NMBR: variants seen among roughly 807,000 people sequenced by gnomAD.
NMBR encodes the protein neuromedin B receptor, also known as neuromedin-B receptor.
In NMBR, 16 loss-of-function variants were observed where a neutral mutation model predicts 20.5. The observed-to-expected ratio is 0.78, with a 90% CI of 0.53 to 1.19. The LOEUF is 1.19. Ranked by LOEUF, NMBR falls within the 50% of genes most tolerant of loss-of-function variation. The pLI is 0.00. For synonymous variants in NMBR, 212 were observed against 196.6 expected, an observed-to-expected ratio of 1.08 and a Z score of -0.65; for missense variants, 582 against 499.1, an observed-to-expected ratio of 1.17 and a Z score of -1.58.
intron 1 of NMBR, among the ~76,000 whole-genome samples, chr6:142,129,891 G>A (rs111440193): frequency 5.3e-5 from 8 of 152,122 alleles, no homozygotes; most frequent in Admixed American, 2.0e-4. Context: ...ATTCAAGGAC[G>A]TGAAATAATC....
At chr6:142,132,163 G>T (rs1489279335) in intron 1 of NMBR, among the ~76,000 whole-genome samples, 3 of 152,204 alleles carry the variant, frequency 2.0e-5, no homozygotes, top group African/African-American at 7.2e-5. Flanking sequence ...TTCTCCACTT[G>T]CTGGAAGAAA....
At chr6:142,133,174 A>G in intron 1 of NMBR, 1 of 686,252 alleles carries the variant, frequency 1.5e-6, no homozygotes, top group South Asian at 1.5e-5. Flanking sequence ...TCTAAATTAC[A>G]TCAAAAACTT....
In NMBR at chr6:142,135,602, G is replaced by A. The variant is rs540474479; in HGVS notation, c.-664+11442C>T. On this transcript the variant is annotated intron_variant, in intron 1 of 3. Coordinates refer to ENST00000258042, the MANE Select transcript of NMBR (RefSeq NM_002511.4). Reference sequence around the variant, plus strand: ...GCTGGTGTGCTGCACCCATTAACTCGTCATTTAGCATTAGGTATATCTCCT... The same window carrying A: ...GCTGGTGTGCTGCACCCATTAACTCATCATTTAGCATTAGGTATATCTCCT... 8.0e-5 allele frequency among the ~76,000 whole-genome samples: 12 copies of A among 150,060 alleles called. No homozygotes were observed. The East Asian group carries it at 1.8e-3, about 22-fold the overall frequency.
At chr6:142,080,485 A>G (rs1777072571) in intron 2 of NMBR, among the ~76,000 whole-genome samples, 3 of 151,648 alleles carry the variant, frequency 2.0e-5, no homozygotes, top group South Asian at 4.2e-4. Context: ...TAATTTTTGT[A>G]TTTTTGTAGA....
intron 1 of NMBR, among the ~76,000 whole-genome samples, chr6:142,116,408 A>G (rs1156434990): frequency 6.6e-6 from 1 of 152,040 alleles, no homozygotes; most frequent in Non-Finnish European, 1.5e-5. Flanking sequence ...GGACACAAAT[A>G]GAGGCCCTCA....
chr6:142,111,548 C>T (rs1316094915), intron 1 of NMBR, among the ~76,000 whole-genome samples: 1 of 152,088 alleles, frequency 6.6e-6, no homozygotes, highest in Non-Finnish European at 1.5e-5. Context: ...TAACCTTAGT[C>T]GTATTTGAGG....
intron 1 of NMBR, among the ~76,000 whole-genome samples, chr6:142,143,065 A>G (rs225619): frequency 0.39 from 59,310 of 151,900 alleles, 12,216 homozygotes; most frequent in Middle Eastern, 0.53. Flanking sequence ...AGCCTGGGGG[A>G]CGGAACAAGA....
At chr6:142,077,457 TAGAA>T (rs140994235) in intron 3 of NMBR, among the ~76,000 whole-genome samples, 13,567 of 152,136 alleles carry the variant, frequency 0.089, 670 homozygotes, top group Admixed American at 0.16. Flanking sequence ...TTATATAAAA[TAGAA>T]AGCACAGTGA....
intron 1 of NMBR, among the ~76,000 whole-genome samples, chr6:142,111,732 C>G (rs1777767192): frequency 6.6e-6 from 1 of 152,130 alleles, no homozygotes; most frequent in Non-Finnish European, 1.5e-5. Flanking sequence ...CTGATTTAAT[C>G]TGTATAGAAA....
intron 1 of NMBR, among the ~76,000 whole-genome samples, chr6:142,101,598 G>C (rs115011504): frequency 4.8e-4 from 73 of 152,174 alleles, no homozygotes; most frequent in African/African-American, 1.7e-3. Context: ...TTCTAGGATC[G>C]ATCTTTTTCT....
chr6:142,129,629 G>GT (rs1306772618), intron 1 of NMBR, among the ~76,000 whole-genome samples: 1 of 151,992 alleles, frequency 6.6e-6, no homozygotes, highest in East Asian at 1.9e-4. Flanking sequence ...ATTTGCGTCT[G>GT]TTATTTATTC....
intron 1 of NMBR, among the ~76,000 whole-genome samples, chr6:142,115,230 T>C (rs904766959): frequency 3.9e-5 from 6 of 152,064 alleles, no homozygotes; most frequent in Non-Finnish European, 5.9e-5. Context: ...AATGAGATCA[T>C]AGAGAAAAGA....
intron 1 of NMBR, among the ~76,000 whole-genome samples, chr6:142,120,104 C>G (rs1394519908): frequency 6.6e-6 from 1 of 151,842 alleles, no homozygotes; most frequent in Non-Finnish European, 1.5e-5. Flanking sequence ...TATTGAGAAC[C>G]ACAAGACCAG....
chr6:142,079,106 G>GAA (rs1291646605), intron 2 of NMBR, among the ~76,000 whole-genome samples: 1 of 73,522 alleles, frequency 1.4e-5, no homozygotes, highest in East Asian at 7.3e-4. Flanking sequence ...GAGAGAGAGA[G>GAA]AAAGAAAGAA....
intron 1 of NMBR, among the ~76,000 whole-genome samples, chr6:142,106,731 T>G (rs1358957319): frequency 6.6e-6 from 1 of 152,250 alleles, no homozygotes; most frequent in Non-Finnish European, 1.5e-5. Flanking sequence ...AGAATTGTAT[T>G]TTGTAAGCAC....
intron 1 of NMBR, among the ~76,000 whole-genome samples, chr6:142,136,539 C>T (rs1221876972): frequency 6.6e-6 from 1 of 152,088 alleles, no homozygotes; most frequent in Non-Finnish European, 1.5e-5. Flanking sequence ...GTTGCCATTG[C>T]TTTTGGTGTT....
At chr6:142,100,563 T>A (rs928964389) in intron 1 of NMBR, among the ~76,000 whole-genome samples, 2 of 152,110 alleles carry the variant, frequency 1.3e-5, no homozygotes, top group Non-Finnish European at 2.9e-5. Flanking sequence ...AAAGGACAAA[T>A]GTGTGGATCG....
At chr6:142,124,480 A>G (rs982936436) in intron 1 of NMBR, among the ~76,000 whole-genome samples, 1 of 151,892 alleles carries the variant, frequency 6.6e-6, no homozygotes, top group Non-Finnish European at 1.5e-5. Context: ...TCCATTTTAC[A>G]GATGGAAGAA....
Position 142,075,768 on chromosome 6 carries a change from G to A in NMBR, c.1053C>T (p.Thr351=). Residue 351 remains threonine (T), a synonymous_variant, in exon 4 of 4, where the codon ACC becomes ACT. Coordinates refer to ENST00000258042, the MANE Select transcript of NMBR (RefSeq NM_002511.4). The part of the protein sequence containing the change: ...CGRKSYQERG[T]SYLLSSSAVR... ...CCGCTGAAGAGCTGAGTAGGTAGCT[G>A]GTTCCTCTCTCTTGATAGGACTTCC... 6.2e-7 allele frequency: 1 copy of A among 1,614,044 alleles called. No individual in the cohort carries two copies. The highest frequency in any genetic ancestry group is 8.5e-7 in the Non-Finnish European group (1 of 1,179,946).
Sources: allele counts gnomAD v4.1 joint callset (sites outside exome capture counted in the v4.1 genomes callset), GRCh38; gene constraint gnomAD v4.1.1; transcripts MANE v1.5; gene names NCBI Gene and HGNC (gene_info 2026-07-23, HGNC 2026-07-21).